AFM: variants seen among roughly 807,000 people sequenced by gnomAD.
AFM encodes afamin.
In AFM, 82 loss-of-function variants were observed where a neutral mutation model predicts 68.7. The ratio of observed to expected loss-of-function variants is 1.19; its 90% CI spans 1.00 to 1.43. AFM has a LOEUF of 1.43. Ranked by LOEUF, AFM falls within the 40% of genes most tolerant of loss-of-function variation. The probability of loss-of-function intolerance (pLI) is 0.00; values close to 1 mark genes in which losing one functional copy is unlikely to be tolerated. For missense variants in AFM, 772 were observed against 701.8 expected, an observed-to-expected ratio of 1.10 and a Z score of -1.13; for synonymous variants, 250 against 234.2, an observed-to-expected ratio of 1.07 and a Z score of -0.61.
intron 8 of AFM, among the ~76,000 whole-genome samples, chr4:73,494,138 G>A (rs377029780): frequency 5.3e-5 from 8 of 152,000 alleles, no homozygotes; most frequent in South Asian, 2.1e-4. Context: ...CAGATATTAA[G>A]AGGAGCCCTG....
intron 9 of AFM, 39 bp from the exon 10 acceptor site, chr4:73,497,613 A>G: frequency 7.4e-7 from 1 of 1,353,758 alleles, no homozygotes; most frequent in Non-Finnish European, 1.0e-6. Flanking sequence ...GTTAAATTTT[A>G]GATAAAATGT....
At chr4:73,498,754 G>A (rs1195222762) in intron 10 of AFM, among the ~76,000 whole-genome samples, 1 of 151,998 alleles carries the variant, frequency 6.6e-6, no homozygotes, top group Non-Finnish European at 1.5e-5. Flanking sequence ...AACATATATT[G>A]ATTAAATTCT....
intron 7 of AFM, among the ~76,000 whole-genome samples, chr4:73,491,492 T>C (rs1262329581): frequency 6.6e-6 from 1 of 152,198 alleles, no homozygotes; most frequent in Admixed American, 6.5e-5. Flanking sequence ...TTATAGATAT[T>C]ATAGTAACAT....
At chr4:73,488,576 C>T (rs1177224401) in intron 6 of AFM, 54 bp from the exon 7 acceptor site, 5 of 1,524,148 alleles carry the variant, frequency 3.3e-6, no homozygotes, top group Non-Finnish European at 3.6e-6. Context: ...ATTACTCCCA[C>T]TTGTTCTACT....
Position 73,503,095 on chromosome 4 carries a change from G to T in AFM, c.*25G>T. Reference sequence around the variant, plus strand: ...AAGCCAGCTGCTGGAGATATGTAAAGAAAAAAGCACCAAAGGTAATACCCT... The same window carrying T: ...AAGCCAGCTGCTGGAGATATGTAAATAAAAAAGCACCAAAGGTAATACCCT... On this transcript the variant is annotated 3_prime_UTR_variant, in exon 14 of 15. Coordinates refer to ENST00000226355, the MANE Select transcript of AFM (RefSeq NM_001133.2). 6.2e-7 allele frequency: 1 copy of T among 1,611,756 alleles called. No homozygotes were observed. Among genetic ancestry groups the T allele is most frequent in the Non-Finnish European group, 8.5e-7 (1 of 1,178,288 alleles).
intron 8 of AFM, 137 bp from the exon 9 acceptor site, chr4:73,495,163 C>T: frequency 1.4e-6 from 1 of 712,964 alleles, no homozygotes; most frequent in Non-Finnish European, 2.1e-6. Context: ...TCTTAAATTA[C>T]TCTGTGACCA....
At chr4:73,502,930 C>T in intron 13 of AFM, 120 bp from the exon 14 acceptor site, 1 of 945,322 alleles carries the variant, frequency 1.1e-6, no homozygotes. Flanking sequence ...TACTGTTTCC[C>T]TGTACAACGT....
chr4:73,495,341 T>C lies in AFM; in HGVS notation c.1100T>C (p.Ile367Thr), dbSNP rs753921121. The C allele has an allele frequency of 1.9e-6, 3 of 1,612,786 alleles. No individual in the cohort carries two copies. The highest frequency in any genetic ancestry group is 1.3e-5 in the African/African-American group (1 of 74,894). Residue 367 changes from isoleucine (I) to threonine (T), a missense_variant, in exon 9 of 15, where the codon ATA becomes ACA. Physicochemically the swap from Ile to Thr is moderately conservative, Grantham distance 89. Coordinates refer to ENST00000226355, the MANE Select transcript of AFM (RefSeq NM_001133.2). ...TCAAGGAGACATCCAGACCTGTCTA[T>C]ACCAGAGCTTTTAAGAATTGTTCAA... Reference protein sequence around the residue: ...EYSRRHPDLSIPELLRIVQIY... With the variant: ...EYSRRHPDLSTPELLRIVQIY...
rs1721463140 is a variant in AFM at position 73,503,082 on chromosome 4, G to C, written c.*12G>C. The C allele has an allele frequency of 6.2e-7, 1 of 1,612,832 alleles. No homozygotes were observed. The highest frequency in any genetic ancestry group is 8.5e-7 in the Non-Finnish European group (1 of 1,179,136). Reference sequence around the variant, plus strand: ...AAATTGGCAACTGAAGCCAGCTGCTGGAGATATGTAAAGAAAAAAGCACCA... The same window carrying C: ...AAATTGGCAACTGAAGCCAGCTGCTCGAGATATGTAAAGAAAAAAGCACCA... On this transcript the variant is annotated 3_prime_UTR_variant, in exon 14 of 15. Coordinates refer to ENST00000226355, the MANE Select transcript of AFM (RefSeq NM_001133.2).
At chr4:73,492,229 G>C in intron 8 of AFM, 143 bp downstream of exon 8, 1 of 696,902 alleles carries the variant, frequency 1.4e-6, no homozygotes. Flanking sequence ...CATGGCTATA[G>C]AGTGTAGTTT....
chr4:73,498,673 G>T (rs1281534983), intron 10 of AFM, among the ~76,000 whole-genome samples: 1 of 152,120 alleles, frequency 6.6e-6, no homozygotes, highest in South Asian at 2.1e-4. Context: ...CTGCAATTTG[G>T]CTGTTAGCTG....
intron 8 of AFM, among the ~76,000 whole-genome samples, chr4:73,493,103 A>G (rs563046859): frequency 6.6e-6 from 1 of 152,154 alleles, no homozygotes; most frequent in Non-Finnish European, 1.5e-5. Context: ...GGTAATCTAG[A>G]TAGGTAGAGC....
intron 7 of AFM, among the ~76,000 whole-genome samples, chr4:73,489,082 G>C (rs1434960021): frequency 2.6e-5 from 4 of 152,090 alleles, no homozygotes; most frequent in Non-Finnish European, 4.4e-5. Flanking sequence ...TCCTCTTTTA[G>C]AGAGGTTGGA....
At chr4:73,492,955 A>T (rs1181646861) in intron 8 of AFM, among the ~76,000 whole-genome samples, 1 of 152,012 alleles carries the variant, frequency 6.6e-6, no homozygotes, top group Non-Finnish European at 1.5e-5. Flanking sequence ...AAACATAAAT[A>T]AATAAGTGCA....
chr4:73,488,790 G>C (rs781089531), intron 7 of AFM, 31 bp downstream of exon 7: 15 of 1,577,036 alleles, frequency 9.5e-6, no homozygotes, highest in Non-Finnish European at 1.7e-6. Context: ...AGTTAAAATA[G>C]TGATTTTTGG....
intron 10 of AFM, 107 bp from the exon 11 acceptor site, chr4:73,499,007 C>T (rs1411786473): frequency 2.6e-6 from 3 of 1,153,912 alleles, no homozygotes; most frequent in Admixed American, 4.9e-5. Context: ...TCATGTTGCA[C>T]CTATATTGGT....
At chr4:73,491,736 C>A in intron 7 of AFM, 136 bp from the exon 8 acceptor site, 5 of 781,748 alleles carry the variant, frequency 6.4e-6, no homozygotes, top group Non-Finnish European at 1.0e-5. Context: ...TTAATTCAAA[C>A]AAATATTATC....
Position 73,501,752 on chromosome 4 carries a change from G to A in AFM, c.1647-35G>A, listed in dbSNP as rs760528237. On this transcript the variant is annotated intron_variant, in intron 12 of 14. Coordinates refer to ENST00000226355, the MANE Select transcript of AFM (RefSeq NM_001133.2). ...AGTAGAGACGCTTCAGAAAGAAAGC[G>A]TTAATTAATTTTATTTGACATCTTT... The A allele has an allele frequency of 2.1e-5, 34 of 1,595,474 alleles. 1 individual carries two copies. In the South Asian group the frequency reaches 3.0e-4, roughly 14 times the overall value.
At chr4:73,496,927 C>T (rs1294847070) in intron 9 of AFM, among the ~76,000 whole-genome samples, 2 of 152,146 alleles carry the variant, frequency 1.3e-5, no homozygotes, top group East Asian at 3.9e-4. Context: ...TTTATACCCA[C>T]TCAAATTTGA....
Sources: allele counts gnomAD v4.1 joint callset (sites outside exome capture counted in the v4.1 genomes callset), GRCh38; gene constraint gnomAD v4.1.1; transcripts MANE v1.5; gene names NCBI Gene and HGNC (gene_info 2026-07-23, HGNC 2026-07-21).